ITPR1: variants seen among roughly 807,000 people sequenced by gnomAD.
The protein encoded by ITPR1 is inositol 1,4,5-trisphosphate receptor type 1.
ITPR1 carries 96 observed loss-of-function variants against 318.4 expected under a neutral mutation model. That is an observed-to-expected ratio of 0.30 (90% CI 0.26 to 0.36). The LOEUF (loss-of-function observed/expected upper bound fraction) is 0.36. Ranked by LOEUF, ITPR1 falls within the 10% of genes least tolerant of loss-of-function variation. The probability of loss-of-function intolerance (pLI) is 1.00; values close to 1 mark genes in which losing one functional copy is unlikely to be tolerated. For synonymous variants in ITPR1, 1,312 were observed against 1,289.9 expected (o/e 1.02, Z -0.37); for missense variants, 2,440 against 3,460.2 (o/e 0.71, Z 7.40).
chr3:4,728,894 G>A (rs543449792), intron 42 of ITPR1, among the ~76,000 whole-genome samples: 2 of 152,162 alleles, frequency 1.3e-5, no homozygotes, highest in Non-Finnish European at 2.9e-5. Context: ...CTCAGACTAG[G>A]ACCAGAGAAT....
At chr3:4,775,526 G>A in intron 47 of ITPR1, 84 bp downstream of exon 47, 1 of 1,046,850 alleles carries the variant, frequency 9.6e-7, no homozygotes, top group Non-Finnish European at 1.4e-6. Flanking sequence ...AAATCACGAA[G>A]CCTGTGCCTG....
chr3:4,694,265 G>C (rs2094523002), intron 33 of ITPR1, among the ~76,000 whole-genome samples: 1 of 149,506 alleles, frequency 6.7e-6, no homozygotes, highest in Admixed American at 6.7e-5. Flanking sequence ...ATATTGATTA[G>C]TAATGAAAAA....
intron 4 of ITPR1, among the ~76,000 whole-genome samples, chr3:4,616,885 G>A (rs1056052051): frequency 2.0e-5 from 3 of 152,150 alleles, no homozygotes; most frequent in Non-Finnish European, 2.9e-5. Context: ...GTGGGGTCTT[G>A]TGATTTCATT....
At chr3:4,658,955 A>G (rs1459354799) in intron 13 of ITPR1, among the ~76,000 whole-genome samples, 1 of 152,176 alleles carries the variant, frequency 6.6e-6, no homozygotes, top group African/African-American at 2.4e-5. Flanking sequence ...TTCTCAAAAA[A>G]CCCAGTGAGA....
chr3:4,736,066 T>A (rs955865573), intron 44 of ITPR1, among the ~76,000 whole-genome samples: 8 of 152,232 alleles, frequency 5.3e-5, no homozygotes, highest in Admixed American at 5.2e-4. Flanking sequence ...ATAACATAAC[T>A]TTTATATATG....
intron 4 of ITPR1, among the ~76,000 whole-genome samples, chr3:4,562,086 C>CG (rs2086732077): frequency 3.7e-5 from 3 of 81,056 alleles, no homozygotes; most frequent in East Asian, 6.9e-4. Flanking sequence ...AGCTTATGAG[C>CG]TTAAATAAAT....
At chr3:4,838,469 TTA>T (rs2106547115) in intron 61 of ITPR1, among the ~76,000 whole-genome samples, 1 of 152,132 alleles carries the variant, frequency 6.6e-6, no homozygotes, top group Admixed American at 6.5e-5. Context: ...CCAGCAAGCT[TTA>T]GTTATCTTCT....
At chr3:4,594,448 A>T (rs922214268) in intron 4 of ITPR1, among the ~76,000 whole-genome samples, 10 of 152,116 alleles carry the variant, frequency 6.6e-5, no homozygotes, top group Admixed American at 6.5e-4. Context: ...CAAGATAAAG[A>T]TTCGTTTTTA....
Position 4,711,879 on chromosome 3 carries a change from T to C in ITPR1, c.5103+11T>C. The C allele has an allele frequency of 7.3e-7, 1 of 1,378,350 alleles. No homozygotes were observed. The highest frequency in any genetic ancestry group is 9.9e-7 in the Non-Finnish European group (1 of 1,009,198). 85.4% of individuals were successfully genotyped at this position (1,378,350 alleles called of 1,614,324 possible). On this transcript the variant is annotated intron_variant, in intron 39 of 61. Coordinates refer to ENST00000649015, the MANE Select transcript of ITPR1 (RefSeq NM_001378452.1). ...GGCTATGGAGAAAAGGTACTGCATTTTATTTTCATGGTCAAACCAGGTTTT... is the reference window on the plus strand; with the variant it reads ...GGCTATGGAGAAAAGGTACTGCATTCTATTTTCATGGTCAAACCAGGTTTT...
At chr3:4,843,339 C>T (rs2051510394) in intron 61 of ITPR1, among the ~76,000 whole-genome samples, 1 of 152,214 alleles carries the variant, frequency 6.6e-6, no homozygotes, top group East Asian at 1.9e-4. Context: ...TATATGTACA[C>T]AAATTACTTT....
At chr3:4,686,031 G>C (rs188159839) in intron 30 of ITPR1, among the ~76,000 whole-genome samples, 1 of 152,180 alleles carries the variant, frequency 6.6e-6, no homozygotes, top group East Asian at 1.9e-4. Context: ...GGTGCCAGGC[G>C]CCATGCTGAG....
rs41289632 is a variant in ITPR1 at position 4,667,323 on chromosome 3, A to G, written c.1714-54A>G. 12,792 of 1,379,980 alleles carry G rather than the reference A, an allele frequency of 9.3e-3. 91 individuals carry two copies. The highest frequency in any genetic ancestry group is 0.014 in the Middle Eastern group (69 of 4,966). The allele number at this position is 1,379,980 out of a possible 1,614,324, so 85.5% of individuals were successfully genotyped here. ...TTGCTGCTTTCTTTAGTCTACGCTT[A>G]ACCATATTGTCATTTATCCTTCCTA... On this transcript the variant is annotated intron_variant, in intron 17 of 61. Transcript: ENST00000649015.
intron 52 of ITPR1, among the ~76,000 whole-genome samples, chr3:4,792,565 G>T (rs544580940): frequency 6.6e-6 from 1 of 152,264 alleles, no homozygotes; most frequent in South Asian, 2.1e-4. Context: ...TACAGGGTCC[G>T]CTCCTTGGTG....
chr3:4,687,757 A>T (rs768052279), intron 30 of ITPR1, among the ~76,000 whole-genome samples: 1 of 152,274 alleles, frequency 6.6e-6, no homozygotes, highest in Non-Finnish European at 1.5e-5. Context: ...TATGAATCAC[A>T]TAATCCAACC....
intron 6 of ITPR1, among the ~76,000 whole-genome samples, chr3:4,641,880 A>C (rs1440933380): frequency 6.6e-6 from 1 of 152,094 alleles, no homozygotes; most frequent in African/African-American, 2.4e-5. Context: ...AAAACATGAT[A>C]GTTTTTCTTG....
At chr3:4,612,243 G>A (rs944055489) in intron 4 of ITPR1, among the ~76,000 whole-genome samples, 5 of 151,814 alleles carry the variant, frequency 3.3e-5, no homozygotes, top group African/African-American at 1.2e-4. Context: ...TATACATTTA[G>A]TAGAGACAGC....
At chr3:4,697,542 C>T (rs2094580358) in intron 34 of ITPR1, among the ~76,000 whole-genome samples, 1 of 145,942 alleles carries the variant, frequency 6.9e-6, no homozygotes, top group Non-Finnish European at 1.5e-5. Context: ...ACCTCTACCT[C>T]CTGGGCTCAA....
At chr3:4,503,028 T>C (rs1309264446) in intron 2 of ITPR1, among the ~76,000 whole-genome samples, 1 of 151,996 alleles carries the variant, frequency 6.6e-6, no homozygotes, top group Non-Finnish European at 1.5e-5. Context: ...GAGGTTGCAG[T>C]GAGCTGAGAT....
chr3:4,818,646 GTGAC>G (rs1488986579), intron 60 of ITPR1, among the ~76,000 whole-genome samples: 1 of 152,102 alleles, frequency 6.6e-6, no homozygotes, highest in Non-Finnish European at 1.5e-5. Flanking sequence ...TAGAGGCAAA[GTGAC>G]TGCTCACTGC....
Sources: allele counts gnomAD v4.1 joint callset (sites outside exome capture counted in the v4.1 genomes callset), GRCh38; gene constraint gnomAD v4.1.1; transcripts MANE v1.5; gene names NCBI Gene and HGNC (gene_info 2026-07-23, HGNC 2026-07-21).